Variants in NIBAN1 observed in about 807,000 individuals in gnomAD.
The protein encoded by NIBAN1 is protein Niban 1.
Under a neutral mutation model 75.1 loss-of-function variants are expected in NIBAN1, and 81 were observed. The observed-to-expected ratio is 1.08, with a 90% CI of 0.90 to 1.30. The LOEUF (loss-of-function observed/expected upper bound fraction) is 1.30. Ranked by LOEUF, NIBAN1 falls within the 50% of genes most tolerant of loss-of-function variation. NIBAN1 has a pLI of 0.00. For missense variants in NIBAN1, 1,133 were observed against 1,128.1 expected, an observed-to-expected ratio of 1.00 and a Z score of -0.06; for synonymous variants, 436 against 424.8, an observed-to-expected ratio of 1.03 and a Z score of -0.32.
intron 8 of NIBAN1, 131 bp from the exon 9 acceptor site, chr1:184,818,956 CA>C: frequency 1.1e-6 from 1 of 934,060 alleles, no homozygotes; most frequent in East Asian, 2.6e-5. Flanking sequence ...GAGGCCATGA[CA>C]GACTAGCACA....
intron 5 of NIBAN1, among the ~76,000 whole-genome samples, chr1:184,877,909 C>T (rs547585512): frequency 6.8e-6 from 1 of 147,788 alleles, no homozygotes; most frequent in Non-Finnish European, 1.5e-5. Flanking sequence ...ACGAACAAAA[C>T]AATTTTTTTT....
chr1:184,967,360 A>G (rs1485431836), intron 1 of NIBAN1, among the ~76,000 whole-genome samples: 1 of 151,892 alleles, frequency 6.6e-6, no homozygotes, highest in Admixed American at 6.6e-5. Flanking sequence ...TTCACTTCTG[A>G]CTTCATTTCC....
chr1:184,804,657 A>G (rs888767679), intron 11 of NIBAN1, among the ~76,000 whole-genome samples: 3 of 152,014 alleles, frequency 2.0e-5, no homozygotes, highest in Admixed American at 1.3e-4. Context: ...ACACCTTTCT[A>G]CATTTTTTCT....
intron 1 of NIBAN1, among the ~76,000 whole-genome samples, chr1:184,916,274 G>A (rs997645009): frequency 1.3e-5 from 2 of 151,692 alleles, no homozygotes; most frequent in Non-Finnish European, 2.9e-5. Flanking sequence ...GTAGGGGAAC[G>A]AAAAAATGGT....
intron 11 of NIBAN1, 148 bp downstream of exon 11, chr1:184,805,796 CTG>C (rs1654179778): frequency 4.7e-6 from 3 of 636,106 alleles, no homozygotes; most frequent in Admixed American, 5.4e-5. Context: ...ACTGGAGAAA[CTG>C]CAGCGGACTG....
At chr1:184,837,390 A>C (rs1271631019) in intron 5 of NIBAN1, among the ~76,000 whole-genome samples, 1 of 152,176 alleles carries the variant, frequency 6.6e-6, no homozygotes, top group Non-Finnish European at 1.5e-5. Context: ...ACATCACTAC[A>C]TTCAGCTCTC....
At chr1:184,895,939 C>T (rs1421659461) in intron 2 of NIBAN1, among the ~76,000 whole-genome samples, 2 of 152,120 alleles carry the variant, frequency 1.3e-5, no homozygotes, top group African/African-American at 2.4e-5. Context: ...ATATATACCA[C>T]ATTTTTTTTA....
chr1:184,970,389 G>T (rs1571614873), intron 1 of NIBAN1, among the ~76,000 whole-genome samples: 1 of 152,146 alleles, frequency 6.6e-6, no homozygotes, highest in African/African-American at 2.4e-5. Context: ...AAGCAAATGT[G>T]TGGACTAGTA....
Position 184,799,735 on chromosome 1 carries a change from C to CT in NIBAN1, c.1555-1546dup, listed in dbSNP as rs780273995. Among the ~76,000 whole-genome samples the CT allele has an allele frequency of 8.0e-3, 397 of 49,790 alleles. 86 individuals are homozygous for CT. The highest frequency in any genetic ancestry group is 0.011 in the Non-Finnish European group (291 of 27,358). 32.7% of individuals were successfully genotyped at this position (49,790 alleles called of 152,430 possible). On this transcript the variant is annotated intron_variant, in intron 12 of 13. Transcript: ENST00000367511. ...TCCTGACTTTTTAATGATTGCCATTCTTTTTTTTTTTTTTTTTTTTTTTTT... is the reference window on the plus strand; with the variant it reads ...TCCTGACTTTTTAATGATTGCCATTCTTTTTTTTTTTTTTTTTTTTTTTTTT...
intron 6 of NIBAN1, among the ~76,000 whole-genome samples, chr1:184,828,245 C>T (rs533154948): frequency 6.6e-6 from 1 of 152,132 alleles, no homozygotes; most frequent in Non-Finnish European, 1.5e-5. Flanking sequence ...AAATAACCAT[C>T]GCTATGAGGG....
At position 184,884,646 on chromosome 1, in the gene NIBAN1, C is replaced by A; in HGVS notation, c.588G>T (p.Arg196Ser). The change falls in exon 5 of 14, where the codon AGG (arginine) becomes AGT (serine). Residue 196 changes from arginine to serine, a missense_variant. Transcript: ENST00000367511. ...GCCGCGCCATACCATGATTGAGATG[C>A]CTGACGCAGTCACTCAGGAGGGCAC... ...RFSALLSDCVRHLNHDYMKQM... is the reference protein window; with the variant it reads ...RFSALLSDCVSHLNHDYMKQM... 1 of 1,614,052 alleles carries A rather than the reference C, an allele frequency of 6.2e-7. No individual in the cohort carries two copies. Among genetic ancestry groups the A allele is most frequent in the Non-Finnish European group, 8.5e-7 (1 of 1,179,966 alleles).
At chr1:184,820,547 G>A (rs142266004) in intron 8 of NIBAN1, among the ~76,000 whole-genome samples, 2 of 152,334 alleles carry the variant, frequency 1.3e-5, no homozygotes, top group East Asian at 1.9e-4. Flanking sequence ...GGGTCTGCAG[G>A]TGTTTCCTTA....
At chr1:184,865,245 T>C (rs1484628993) in intron 5 of NIBAN1, among the ~76,000 whole-genome samples, 1 of 152,102 alleles carries the variant, frequency 6.6e-6, no homozygotes, top group African/African-American at 2.4e-5. Context: ...AAAGAAAATG[T>C]GGTATATATA....
chr1:184,898,605 G>A (rs1180622259), intron 2 of NIBAN1, among the ~76,000 whole-genome samples: 1 of 152,138 alleles, frequency 6.6e-6, no homozygotes, highest in Non-Finnish European at 1.5e-5. Context: ...CACAGAGCAC[G>A]ACTCTATCTC....
At chr1:184,807,526 G>T (rs962397970) in intron 10 of NIBAN1, among the ~76,000 whole-genome samples, 4 of 152,174 alleles carry the variant, frequency 2.6e-5, no homozygotes, top group Non-Finnish European at 2.9e-5. Context: ...GGTGGCTTAT[G>T]CCTGTAATCC....
intron 5 of NIBAN1, among the ~76,000 whole-genome samples, chr1:184,843,288 A>G (rs1378315656): frequency 6.6e-6 from 1 of 152,038 alleles, no homozygotes; most frequent in Non-Finnish European, 1.5e-5. Flanking sequence ...CACTCAGTGG[A>G]TATGTGGATT....
intron 5 of NIBAN1, among the ~76,000 whole-genome samples, chr1:184,856,644 T>C (rs1655685264): frequency 6.6e-6 from 1 of 152,188 alleles, no homozygotes; most frequent in Non-Finnish European, 1.5e-5. Context: ...TGGTTGAACA[T>C]ATTCTATGTA....
At chr1:184,912,790 T>C (rs1657276990) in intron 1 of NIBAN1, among the ~76,000 whole-genome samples, 1 of 152,188 alleles carries the variant, frequency 6.6e-6, no homozygotes, top group Admixed American at 6.5e-5. Context: ...AGCTTTTTCA[T>C]AGAGTCTCAG....
intron 9 of NIBAN1, among the ~76,000 whole-genome samples, chr1:184,814,525 T>G (rs748644398): frequency 4.6e-5 from 7 of 152,228 alleles, no homozygotes; most frequent in Non-Finnish European, 8.8e-5. Context: ...GTTGGCCTCA[T>G]GCTACATTCA....
Sources: allele counts gnomAD v4.1 joint callset (sites outside exome capture counted in the v4.1 genomes callset), GRCh38; gene constraint gnomAD v4.1.1; transcripts MANE v1.5; gene names NCBI Gene and HGNC (gene_info 2026-07-23, HGNC 2026-07-21).